The following ATP2B2 variants were observed in gnomAD, a reference collection of about 807,000 sequenced individuals.
ATP2B2 encodes the protein plasma membrane calcium-transporting ATPase 2.
Under a neutral mutation model 120.0 loss-of-function variants are expected in ATP2B2, and 15 were observed. The ratio of observed to expected loss-of-function variants is 0.12; its 90% CI spans 0.08 to 0.19. The LOEUF (loss-of-function observed/expected upper bound fraction) is 0.19, where lower values mean the gene tolerates loss of function less well. Among genes scored for constraint, ATP2B2 ranks in the 10% least tolerant of loss-of-function variants. ATP2B2 has a pLI of 1.00. For missense variants in ATP2B2, 1,045 were observed against 1,719.8 expected, an observed-to-expected ratio of 0.61 and a Z score of 6.94; for synonymous variants, 694 against 700.3, an observed-to-expected ratio of 0.99 and a Z score of 0.14.
At chr3:10,536,504 TTCC>T (rs374053889) in intron 2 of ATP2B2, among the ~76,000 whole-genome samples, 7,213 of 151,462 alleles carry the variant, frequency 0.048, 250 homozygotes, top group Admixed American at 0.071. Context: ...TCTCCTTCTT[TTCC>T]TCCTCCTCCT....
At chr3:10,494,628 A>G (rs2066069226) in intron 1 of ATP2B2, among the ~76,000 whole-genome samples, 1 of 152,166 alleles carries the variant, frequency 6.6e-6, no homozygotes, top group Admixed American at 6.5e-5. Context: ...ACACTGCTCA[A>G]AGGACACTAA....
intron 22 of ATP2B2, among the ~76,000 whole-genome samples, chr3:10,331,632 C>T (rs866764082): frequency 6.0e-5 from 9 of 150,228 alleles, no homozygotes; most frequent in South Asian, 2.1e-4. Flanking sequence ...CGGTTCTCTC[C>T]GAGGCTGAAA....
At chr3:10,686,652 T>C (rs1012428481) in intron 1 of ATP2B2, among the ~76,000 whole-genome samples, 4 of 150,342 alleles carry the variant, frequency 2.7e-5, no homozygotes, top group African/African-American at 9.8e-5. Context: ...AGACTCCATC[T>C]CAAAAAAAAA....
intron 1 of ATP2B2, among the ~76,000 whole-genome samples, chr3:10,487,783 A>G (rs1213644446): frequency 6.6e-6 from 1 of 152,208 alleles, no homozygotes; most frequent in Non-Finnish European, 1.5e-5. Flanking sequence ...GAAAGCCACT[A>G]TCTGAAAGTG....
At chr3:10,618,724 C>T (rs1303113931) in intron 2 of ATP2B2, among the ~76,000 whole-genome samples, 1 of 152,134 alleles carries the variant, frequency 6.6e-6, no homozygotes, top group African/African-American at 2.4e-5. Context: ...CACTTGTATG[C>T]CCATGGGTTT....
rs1245379911 is a variant in ATP2B2 at position 10,449,871 on chromosome 3, C to T, written c.-319-9G>A. On this transcript the variant is annotated splice_polypyrimidine_tract_variant and intron_variant, in intron 1 of 22. Coordinates refer to ENST00000360273, the MANE Select transcript of ATP2B2 (RefSeq NM_001001331.4). ...GTCAGGGGTGGTGGCTCCTGTGGGA[C>T]AAGCACAGAGTGAGTGACAAAGGCC... is the stretch of plus-strand genomic sequence containing the variant. 2.4e-6 allele frequency: 1 copy of T among 415,364 alleles called. No homozygotes were observed. The highest frequency in any genetic ancestry group is 5.4e-5 in the East Asian group (1 of 18,470). 25.7% of individuals were successfully genotyped at this position (415,364 alleles called of 1,614,324 possible).
At chr3:10,377,543 C>T (rs1333805799) in intron 10 of ATP2B2, among the ~76,000 whole-genome samples, 1 of 152,214 alleles carries the variant, frequency 6.6e-6, no homozygotes, top group Non-Finnish European at 1.5e-5. Context: ...GCCAGAGGGT[C>T]GGGGGCTCAC....
At chr3:10,684,843 T>A (rs1038523736) in intron 1 of ATP2B2, among the ~76,000 whole-genome samples, 9 of 152,248 alleles carry the variant, frequency 5.9e-5, no homozygotes, top group Non-Finnish European at 1.0e-4. Context: ...ATTGGATGGC[T>A]ATTTTACTCG....
At chr3:10,345,659 T>C (rs2060410332) in intron 17 of ATP2B2, 84 bp from the exon 18 acceptor site, 1 of 1,329,402 alleles carries the variant, frequency 7.5e-7, no homozygotes, top group African/African-American at 1.4e-5. Flanking sequence ...TCCCTCCACT[T>C]CCTCAGTCCT....
chr3:10,607,174 T>C (rs2069110387), intron 2 of ATP2B2, among the ~76,000 whole-genome samples: 1 of 152,182 alleles, frequency 6.6e-6, no homozygotes, highest in Non-Finnish European at 1.5e-5. Context: ...GACCACGTAC[T>C]GGCTGTGTGA....
intron 6 of ATP2B2, chr3:10,387,883 C>T (rs2061727234): frequency 3.2e-6 from 1 of 315,178 alleles, no homozygotes; most frequent in Non-Finnish European, 6.2e-6. Flanking sequence ...CATTTCTGCT[C>T]AGTGGAGTTG....
At chr3:10,688,396 A>G (rs1468473132) in intron 1 of ATP2B2, among the ~76,000 whole-genome samples, 1 of 152,208 alleles carries the variant, frequency 6.6e-6, no homozygotes, top group East Asian at 1.9e-4. Flanking sequence ...TCAACTGCAC[A>G]TTGACTCTCC....
intron 2 of ATP2B2, among the ~76,000 whole-genome samples, chr3:10,579,607 G>A (rs1179056403): frequency 2.0e-5 from 3 of 152,138 alleles, no homozygotes; most frequent in African/African-American, 7.2e-5. Flanking sequence ...TCAGGAGTTC[G>A]AGACCAGCCT....
At chr3:10,525,682 A>T (rs2067076688) in intron 3 of ATP2B2, among the ~76,000 whole-genome samples, 1 of 152,152 alleles carries the variant, frequency 6.6e-6, no homozygotes, top group African/African-American at 2.4e-5. Context: ...TGGAAAAAAT[A>T]AATTCGAATA....
intron 2 of ATP2B2, among the ~76,000 whole-genome samples, chr3:10,547,675 A>T (rs760957008): frequency 7.9e-5 from 12 of 152,112 alleles, no homozygotes; most frequent in Non-Finnish European, 1.3e-4. Flanking sequence ...GGGAAGACAG[A>T]TCCTTGTTCT....
chr3:10,690,200 TA>T lies in ATP2B2; in HGVS notation c.-460+17714del, dbSNP rs201204783. Among the ~76,000 whole-genome samples the T allele has an allele frequency of 4.7e-3, 710 of 152,304 alleles. 4 individuals are homozygous for T. Among genetic ancestry groups the T allele is most frequent in the African/African-American group, 0.016 (662 of 41,572 alleles). ...CTTTGTTCTCCGTCCAGGCTTGACATAGGGGGGGACAAACTGCTGATTCTCG... is the reference window on the plus strand; with the variant it reads ...CTTTGTTCTCCGTCCAGGCTTGACATGGGGGGGACAAACTGCTGATTCTCG... On this transcript the variant is annotated intron_variant, in intron 1 of 21. Coordinates refer to the ATP2B2 transcript ENST00000646379.
intron 2 of ATP2B2, among the ~76,000 whole-genome samples, chr3:10,610,021 C>G (rs1331334279): frequency 6.6e-6 from 1 of 151,794 alleles, no homozygotes; most frequent in African/African-American, 2.4e-5. Context: ...TTTGCTCCTT[C>G]CTGTTTCTCT....
intron 1 of ATP2B2, among the ~76,000 whole-genome samples, chr3:10,454,218 C>G (rs1349507580): frequency 1.6e-4 from 25 of 152,204 alleles, no homozygotes. Context: ...AGTTTGCCAT[C>G]ATGGGGACCC....
chr3:10,471,364 CTGTGTGTGTGTGTGTGTG>C (rs58583936), intron 1 of ATP2B2, among the ~76,000 whole-genome samples: 3 of 150,468 alleles, frequency 2.0e-5, no homozygotes, highest in South Asian at 4.2e-4. Flanking sequence ...TTCAGGAAAC[CTGTGTGTGTGTGTGTGTG>C]TGTGTGTGTG....
Sources: allele counts gnomAD v4.1 joint callset (sites outside exome capture counted in the v4.1 genomes callset), GRCh38; gene constraint gnomAD v4.1.1; transcripts MANE v1.5; gene names NCBI Gene and HGNC (gene_info 2026-07-23, HGNC 2026-07-21).